SGCZ: variants seen among roughly 807,000 people sequenced by gnomAD.
SGCZ encodes zeta-sarcoglycan.
A neutral mutation model predicts 41.3 loss-of-function variants in SGCZ; 40 were observed. The observed-to-expected ratio is 0.97, with a 90% confidence interval of 0.75 to 1.26. SGCZ has a LOEUF of 1.26. Ranked by LOEUF, SGCZ falls within the 50% of genes most tolerant of loss-of-function variation. SGCZ has a pLI of 0.00. For missense variants in SGCZ, 552 were observed against 369.8 expected (o/e 1.49, Z -4.04); for synonymous variants, 206 against 137.5 (o/e 1.50, Z -3.49).
At chr8:15,060,903 G>T (rs929138508) in intron 1 of SGCZ, among the ~76,000 whole-genome samples, 1 of 152,120 alleles carries the variant, frequency 6.6e-6, no homozygotes, top group South Asian at 2.1e-4. Context: ...GCCTTGGCTG[G>T]ATTGCTTCGA....
intron 5 of SGCZ, among the ~76,000 whole-genome samples, chr8:14,120,014 T>C (rs1802650740): frequency 6.6e-6 from 1 of 152,178 alleles, no homozygotes. Context: ...GATACTGGCC[T>C]GAAATTTTCT....
intron 1 of SGCZ, among the ~76,000 whole-genome samples, chr8:14,692,325 G>C (rs985368756): frequency 5.9e-5 from 9 of 152,182 alleles, no homozygotes; most frequent in South Asian, 2.1e-4. Flanking sequence ...TTAGGAAGCA[G>C]ACATGAAAAG....
chr8:14,737,887 G>C (rs1799092386), intron 1 of SGCZ, among the ~76,000 whole-genome samples: 1 of 152,002 alleles, frequency 6.6e-6, no homozygotes, highest in Non-Finnish European at 1.5e-5. Context: ...TTTCATAAAA[G>C]GTACTGTACT....
chr8:15,235,135 A>T (rs1802080192), intron 1 of SGCZ, among the ~76,000 whole-genome samples: 2 of 152,186 alleles, frequency 1.3e-5, no homozygotes, highest in African/African-American at 4.8e-5. Context: ...GCAAGAAGCC[A>T]CCAGAGACTA....
chr8:14,409,058 C>T (rs11998102), intron 2 of SGCZ, among the ~76,000 whole-genome samples: 20,167 of 151,502 alleles, frequency 0.13, 2,961 homozygotes, highest in African/African-American at 0.36. Flanking sequence ...TTTTGATACA[C>T]GACACAGATC....
At chr8:14,861,099 G>A (rs1036819251) in intron 1 of SGCZ, among the ~76,000 whole-genome samples, 2 of 152,270 alleles carry the variant, frequency 1.3e-5, no homozygotes, top group Admixed American at 6.5e-5. Context: ...AGATGCGTAC[G>A]AGGTGAATGT....
intron 1 of SGCZ, among the ~76,000 whole-genome samples, chr8:14,690,894 G>C (rs1009494387): frequency 6.6e-6 from 1 of 152,112 alleles, no homozygotes; most frequent in African/African-American, 2.4e-5. Flanking sequence ...TGTTAGTGTT[G>C]TGAAATATAA....
At chr8:15,097,055 C>T (rs1416779242) in intron 1 of SGCZ, among the ~76,000 whole-genome samples, 4 of 151,968 alleles carry the variant, frequency 2.6e-5, no homozygotes, top group African/African-American at 7.3e-5. Context: ...GGCACAAGTG[C>T]TCCTCCTGCC....
chr8:14,276,734 C>T (rs10105570), intron 3 of SGCZ, among the ~76,000 whole-genome samples: 32,913 of 152,030 alleles, frequency 0.22, 3,756 homozygotes, highest in East Asian at 0.3. Context: ...TTTAATTCTA[C>T]GCCACCACTC....
chr8:14,578,095 T>A (rs567808702), intron 1 of SGCZ, among the ~76,000 whole-genome samples: 1 of 152,316 alleles, frequency 6.6e-6, no homozygotes, highest in Admixed American at 6.5e-5. Flanking sequence ...CATTGAGGCC[T>A]ATTTTATCAA....
At chr8:14,964,124 A>G (rs1355788837) in intron 1 of SGCZ, among the ~76,000 whole-genome samples, 1 of 152,226 alleles carries the variant, frequency 6.6e-6, no homozygotes, top group Non-Finnish European at 1.5e-5. Context: ...GGTTTGCTTT[A>G]GTTAATCCCC....
intron 1 of SGCZ, among the ~76,000 whole-genome samples, chr8:15,076,969 C>G (rs1485451238): frequency 6.6e-6 from 1 of 152,128 alleles, no homozygotes. Flanking sequence ...TGAGATTTGA[C>G]AAGTTGCGCT....
At chr8:14,198,713 C>G (rs918221254) in intron 4 of SGCZ, among the ~76,000 whole-genome samples, 10 of 152,114 alleles carry the variant, frequency 6.6e-5, no homozygotes, top group African/African-American at 2.2e-4. Context: ...AACGGAGGGA[C>G]CAGCTGAAGC....
chr8:14,825,892 T>G (rs1368602294), intron 1 of SGCZ, among the ~76,000 whole-genome samples: 1 of 152,218 alleles, frequency 6.6e-6, no homozygotes, highest in Non-Finnish European at 1.5e-5. Flanking sequence ...TTCTTCCATT[T>G]TATGTCTGAA....
At chr8:14,288,716 T>C (rs1431336275) in intron 3 of SGCZ, among the ~76,000 whole-genome samples, 1 of 152,192 alleles carries the variant, frequency 6.6e-6, no homozygotes, top group African/African-American at 2.4e-5. Flanking sequence ...TACATTTTGG[T>C]CAATGTAAAT....
intron 1 of SGCZ, among the ~76,000 whole-genome samples, chr8:14,638,192 G>A (rs1398294491): frequency 6.6e-6 from 1 of 151,776 alleles, no homozygotes; most frequent in Non-Finnish European, 1.5e-5. Flanking sequence ...CTTACATTCT[G>A]TTCCCAACTT....
At chr8:14,580,159 T>C (rs779294082) in intron 1 of SGCZ, among the ~76,000 whole-genome samples, 3 of 152,152 alleles carry the variant, frequency 2.0e-5, no homozygotes, top group Non-Finnish European at 2.9e-5. Flanking sequence ...AGTTAGGTTA[T>C]GAAAGAAAAG....
intron 1 of SGCZ, among the ~76,000 whole-genome samples, chr8:14,887,165 A>G (rs1236066160): frequency 1.3e-5 from 2 of 152,198 alleles, no homozygotes; most frequent in Non-Finnish European, 2.9e-5. Flanking sequence ...ACAAGTCTGG[A>G]TTCAAAGGAG....
chr8:14,182,099 T>A (rs959381393), intron 4 of SGCZ, among the ~76,000 whole-genome samples: 1 of 152,180 alleles, frequency 6.6e-6, no homozygotes, highest in African/African-American at 2.4e-5. Context: ...GCATAAGCCA[T>A]GGGTACACTT....
Sources: gnomAD v4.1 joint callset for allele counts (sites outside exome capture counted in the v4.1 genomes callset) on GRCh38, gnomAD v4.1.1 for gene constraint, MANE v1.5 for transcripts, NCBI Gene and HGNC (gene_info 2026-07-23, HGNC 2026-07-21) for gene names.